The following CTNNA1 variants were observed in gnomAD, a reference collection of about 807,000 sequenced individuals.
The protein encoded by CTNNA1 is catenin alpha 1, also known as catenin alpha-1.
Under a neutral mutation model 98.4 loss-of-function variants are expected in CTNNA1, and 37 were observed. That is an observed-to-expected ratio of 0.38 (90% CI 0.29 to 0.49). The LOEUF (loss-of-function observed/expected upper bound fraction) is 0.49, where lower values mean the gene tolerates loss of function less well. Ranked by LOEUF, CTNNA1 falls within the 20% of genes least tolerant of loss-of-function variation. The pLI is 0.95. For missense variants in CTNNA1, 761 were observed against 1,147.2 expected (o/e 0.66, Z 4.86); for synonymous variants, 404 against 413.2 (o/e 0.98, Z 0.27).
At chr5:138,821,111 A>T (rs567693015) in intron 5 of CTNNA1, among the ~76,000 whole-genome samples, 1 of 152,242 alleles carries the variant, frequency 6.6e-6, no homozygotes, top group East Asian at 1.9e-4. Flanking sequence ...TGTGACGCCA[A>T]TCAGTTACTT....
At chr5:138,858,932 T>A (rs1764001066) in intron 7 of CTNNA1, among the ~76,000 whole-genome samples, 1 of 152,246 alleles carries the variant, frequency 6.6e-6, no homozygotes, top group African/African-American at 2.4e-5. Context: ...ACATGAGTTC[T>A]ACATGCCCCT....
intron 1 of CTNNA1, among the ~76,000 whole-genome samples, chr5:138,758,818 T>A (rs1752004731): frequency 6.6e-6 from 1 of 152,188 alleles, no homozygotes; most frequent in Non-Finnish European, 1.5e-5. Context: ...GTTTTTGTTT[T>A]TTTTTTGAGA....
chr5:138,896,898 CT>C (rs1756936025), intron 9 of CTNNA1, among the ~76,000 whole-genome samples: 1 of 152,168 alleles, frequency 6.6e-6, no homozygotes, highest in Non-Finnish European at 1.5e-5. Flanking sequence ...TTTTTAATTG[CT>C]TCATTCCTTG....
At chr5:138,867,477 G>T (rs1459484887) in intron 7 of CTNNA1, among the ~76,000 whole-genome samples, 1 of 152,190 alleles carries the variant, frequency 6.6e-6, no homozygotes, top group Non-Finnish European at 1.5e-5. Context: ...ATGTTTATCT[G>T]TAGCAAGCCA....
intron 7 of CTNNA1, among the ~76,000 whole-genome samples, chr5:138,883,018 G>T (rs534583529): frequency 7.3e-4 from 111 of 152,058 alleles, no homozygotes; most frequent in Admixed American, 1.4e-3. Context: ...TGTAATTTTA[G>T]TAGAGACAGG....
chr5:138,823,650 A>G (rs1373811192), intron 5 of CTNNA1, among the ~76,000 whole-genome samples: 1 of 152,084 alleles, frequency 6.6e-6, no homozygotes, highest in Non-Finnish European at 1.5e-5. Flanking sequence ...ATTTCACAAA[A>G]CTCTTACAAT....
intron 4 of CTNNA1, among the ~76,000 whole-genome samples, chr5:138,811,147 C>G (rs1156631960): frequency 5.3e-5 from 8 of 151,668 alleles, no homozygotes; most frequent in African/African-American, 1.9e-4. Flanking sequence ...GGAGGGGCTC[C>G]TCACTTCTCA....
chr5:138,932,420 G>C, intron 16 of CTNNA1, 158 bp from the exon 17 acceptor site: 1 of 1,447,810 alleles, frequency 6.9e-7, no homozygotes, highest in Non-Finnish European at 9.1e-7. Flanking sequence ...CAGAGTGTAG[G>C]CAAGGGCTGT....
At chr5:138,795,458 A>T (rs1581040656) in intron 3 of CTNNA1, among the ~76,000 whole-genome samples, 1 of 150,070 alleles carries the variant, frequency 6.7e-6, no homozygotes, top group African/African-American at 2.4e-5. Context: ...TCTGTCTCAG[A>T]AAAAAAAAAG....
chr5:138,889,452 C>G (rs1267072078), intron 9 of CTNNA1, among the ~76,000 whole-genome samples: 1 of 152,176 alleles, frequency 6.6e-6, no homozygotes, highest in Non-Finnish European at 1.5e-5. Flanking sequence ...ACCTGGCTTA[C>G]ATCCCTCCAA....
At chr5:138,933,721 TC>T in intron 17 of CTNNA1, 80 bp from the exon 18 acceptor site, 1 of 1,447,406 alleles carries the variant, frequency 6.9e-7, no homozygotes, top group Non-Finnish European at 9.4e-7. Flanking sequence ...AGTAGGGGGC[TC>T]CCCTTCAAGC....
intron 7 of CTNNA1, among the ~76,000 whole-genome samples, chr5:138,854,242 C>G (rs1763515469): frequency 6.6e-6 from 1 of 152,176 alleles, no homozygotes; most frequent in Non-Finnish European, 1.5e-5. Flanking sequence ...GAATGTGACT[C>G]TACACACATT....
At chr5:138,830,186 A>T (rs988716924) in intron 7 of CTNNA1, among the ~76,000 whole-genome samples, 4 of 150,262 alleles carry the variant, frequency 2.7e-5, no homozygotes, top group African/African-American at 9.8e-5. Flanking sequence ...AAAACCCAAA[A>T]AATAAACAAA....
At chr5:138,901,355 A>T (rs1028214639) in intron 9 of CTNNA1, among the ~76,000 whole-genome samples, 1 of 151,800 alleles carries the variant, frequency 6.6e-6, no homozygotes, top group African/African-American at 2.4e-5. Context: ...GTGAGGTTTC[A>T]CTATGTGGCC....
intron 7 of CTNNA1, chr5:138,875,550 G>A (rs965413552): frequency 2.0e-6 from 2 of 985,476 alleles, no homozygotes; most frequent in South Asian, 4.7e-5. Flanking sequence ...GTAGGAAGCA[G>A]CAGTGAGGTT....
rs149020870 is a variant in CTNNA1, at chr5:138,827,499, A to G, written c.859-16A>G. On this transcript the variant is annotated splice_polypyrimidine_tract_variant and intron_variant, in intron 6 of 17. Transcript: ENST00000302763. ...ACAGAGATGAGTACTAACATTCGGT[A>G]ATACTTTCTCTGCAGAAACAAATCA... is the stretch of plus-strand genomic sequence containing the variant. 1.9e-5 allele frequency: 31 copies of G among 1,613,516 alleles called. No homozygotes were observed. The East Asian group carries it at 6.2e-4, about 32-fold the overall frequency.
intron 1 of CTNNA1, 197 bp downstream of exon 1, chr5:138,753,707 C>A (rs896701035): frequency 1.2e-4 from 40 of 323,050 alleles, no homozygotes; most frequent in Non-Finnish European, 2.1e-4. Flanking sequence ...TCCCTTCCCC[C>A]GCAGGGCCCG....
intron 7 of CTNNA1, among the ~76,000 whole-genome samples, chr5:138,878,224 C>T (rs1752084555): frequency 6.6e-6 from 1 of 152,164 alleles, no homozygotes; most frequent in African/African-American, 2.4e-5. Context: ...CCATCTTTCT[C>T]ACCTGCCCAC....
intron 9 of CTNNA1, among the ~76,000 whole-genome samples, chr5:138,892,558 G>T (rs1049551332): frequency 6.6e-6 from 1 of 151,450 alleles, no homozygotes; most frequent in East Asian, 2.0e-4. Flanking sequence ...GGCTAGTCTC[G>T]AACTCCCAAT....
Sources: allele counts gnomAD v4.1 joint callset (sites outside exome capture counted in the v4.1 genomes callset), GRCh38; gene constraint gnomAD v4.1.1; transcripts MANE v1.5; gene names NCBI Gene and HGNC (gene_info 2026-07-23, HGNC 2026-07-21).